Variants in KCNQ1OT1 observed in about 807,000 individuals in gnomAD.
The protein encoded by KCNQ1OT1 is KCNQ1 antisense RNA 2 (non-protein coding).
exon 1 of KCNQ1OT1, chr11:2,631,075 C>T (rs895956074): frequency 2.5e-6 from 1 of 398,392 alleles, no homozygotes; most frequent in African/African-American, 2.1e-5. Context: ...TAGATGGAAA[C>T]TAATTGTAAT....
chr11:2,615,271 G>T (rs1213663666), exon 1 of KCNQ1OT1: 20 of 397,954 alleles, frequency 5.0e-5, no homozygotes, highest in Non-Finnish European at 8.9e-5. Flanking sequence ...CAATTTTGCT[G>T]GACTTGTTTA....
Position 2,674,520 on chromosome 11 carries a change from CA to C in KCNQ1OT1, n.25474del. On this transcript the variant is annotated non_coding_transcript_exon_variant, in exon 1 of 1. Transcript: ENST00000597346. The surrounding 1 kb of genome is among the most constrained non-coding windows in gnomAD (Gnocchi z 5.9). ...GTTACTAGGCACTAGATGGCACTTG[CA>C]AAGCCCATTCGGAGGATTTAGACAA... 2.5e-6 allele frequency: 1 copy of C among 398,638 alleles called. No homozygotes were observed. The highest frequency in any genetic ancestry group is 4.4e-6 in the Non-Finnish European group (1 of 226,068). 24.7% of individuals were successfully genotyped at this position (398,638 alleles called of 1,614,324 possible). A position where few individuals can be genotyped will look rare whatever the true frequency, so the allele number is the denominator to read the frequency against.
exon 1 of KCNQ1OT1, chr11:2,699,513 C>CG (rs148799466): frequency 0.018 from 3,243 of 177,190 alleles, 86 homozygotes; most frequent in African/African-American, 0.12. Flanking sequence ...GAGGAGCCCC[C>CG]AGGAGAGTGC....
Position 2,691,018 on chromosome 11 carries a change from A to G in KCNQ1OT1, n.8977T>C, listed in dbSNP as rs1850579344. On this transcript the variant is annotated non_coding_transcript_exon_variant, in exon 1 of 1. Coordinates refer to ENST00000597346, the Ensembl canonical transcript of KCNQ1OT1. This position sits in a 1 kb window ranked among gnomAD's most constrained non-coding sequence, Gnocchi z 6.4. ...TGAAGTGGGCAAAAGCTCTGGGTGA[A>G]CTCTTGGCTCAGGTATCAGGATATG... The G allele has an allele frequency of 2.5e-6, 1 of 398,500 alleles. No individual in the cohort carries two copies. Among genetic ancestry groups the G allele is most frequent in the Non-Finnish European group, 4.4e-6 (1 of 226,080 alleles). 24.7% of individuals were successfully genotyped at this position (398,500 alleles called of 1,614,324 possible).
chr11:2,662,516 G>A, exon 1 of KCNQ1OT1: 1 of 427,988 alleles, frequency 2.3e-6, no homozygotes, highest in Non-Finnish European at 4.1e-6. Flanking sequence ...CCTTCAGGTG[G>A]AGGAAATGGC....
chr11:2,662,217 C>A, exon 1 of KCNQ1OT1: 1 of 1,215,278 alleles, frequency 8.2e-7, no homozygotes, highest in Non-Finnish European at 1.2e-6. Flanking sequence ...TGCCGTCTGC[C>A]TGGCCCCAAC....
At position 2,650,205 on chromosome 11, in the gene KCNQ1OT1, T is replaced by C. The variant is rs1849735667; in HGVS notation, n.49790A>G. 7.5e-6 allele frequency: 3 copies of C among 398,464 alleles called. No homozygotes were observed. The East Asian group carries it at 1.1e-4, about 14-fold the overall frequency. 24.7% of individuals were successfully genotyped at this position (398,464 alleles called of 1,614,324 possible). ...TAATGAATTGTTTTCCTGATATGTT[T>C]GTATTGTCTATTTGTGTTCTCTTGT... On this transcript the variant is annotated non_coding_transcript_exon_variant, in exon 1 of 1. Transcript: ENST00000597346.
chr11:2,644,114 T>G (rs1849626228), exon 1 of KCNQ1OT1: 5 of 398,478 alleles, frequency 1.3e-5, no homozygotes, highest in Non-Finnish European at 2.2e-5. Context: ...GGTTCTGAGA[T>G]TCCTATATTT....
At chr11:2,684,676 G>C (rs1397752426) in exon 1 of KCNQ1OT1, 1 of 398,556 alleles carries the variant, frequency 2.5e-6, no homozygotes, top group Non-Finnish European at 4.4e-6. Context: ...TGTGCAGGGA[G>C]CTAGTGGCCA....
At chr11:2,662,860 C>T (rs895317728) in exon 1 of KCNQ1OT1, 4 of 398,672 alleles carry the variant, frequency 1.0e-5, no homozygotes, top group African/African-American at 8.2e-5. Flanking sequence ...CTTCTCTCTA[C>T]CAACATTTTT....
In KCNQ1OT1 at chr11:2,663,707, G is replaced by C. The variant is rs1380871634; in HGVS notation, n.36288C>G. The C allele has an allele frequency of 2.5e-6, 1 of 398,542 alleles. No individual in the cohort carries two copies. The highest frequency in any genetic ancestry group is 3.6e-5 in the East Asian group (1 of 28,096). The allele number at this position is 398,542 out of a possible 1,614,324, so 24.7% of individuals were successfully genotyped here. A position where few individuals can be genotyped will look rare whatever the true frequency, so the allele number is the denominator to read the frequency against. The stretch of plus-strand genomic sequence containing the variant: ...GGGCAGCCAGGCCTTACCAACTCTT[G>C]GGTCTTGCAAGGCCCCTGCAGGTGA... On this transcript the variant is annotated non_coding_transcript_exon_variant, in exon 1 of 1. Coordinates refer to ENST00000597346, the Ensembl canonical transcript of KCNQ1OT1. This position sits in a 1 kb window ranked among gnomAD's most constrained non-coding sequence, Gnocchi z 5.2.
chr11:2,621,311 G>A lies in KCNQ1OT1; in HGVS notation n.78684C>T. On this transcript the variant is annotated non_coding_transcript_exon_variant, in exon 1 of 1. Coordinates refer to ENST00000597346, the Ensembl canonical transcript of KCNQ1OT1. This position sits in a 1 kb window ranked among gnomAD's most constrained non-coding sequence, Gnocchi z 5.7. ...TGCATTTCTGATTATTAGTGATCAT[G>A]AGAATGTTTTTTTGTTTGGCTACTT... is the stretch of plus-strand genomic sequence containing the variant. The A allele has an allele frequency of 2.5e-6, 1 of 398,456 alleles. No individual in the cohort carries two copies. The highest frequency in any genetic ancestry group is 4.4e-6 in the Non-Finnish European group (1 of 225,998). 24.7% of individuals were successfully genotyped at this position (398,456 alleles called of 1,614,324 possible). A position where few individuals can be genotyped will look rare whatever the true frequency, so the allele number is the denominator to read the frequency against.
At position 2,642,735 on chromosome 11, in the gene KCNQ1OT1, G is replaced by T; in HGVS notation, n.57260C>A. Reference sequence around the variant, plus strand: ...AGTATGGTTTGTTCTTGCTTTTCTGGTTCCTTCAGGTGTATCATTAGATTA... The same window carrying T: ...AGTATGGTTTGTTCTTGCTTTTCTGTTTCCTTCAGGTGTATCATTAGATTA... On this transcript the variant is annotated non_coding_transcript_exon_variant, in exon 1 of 1. Transcript: ENST00000597346. This position sits in a 1 kb window ranked among gnomAD's most constrained non-coding sequence, Gnocchi z 4.3. The T allele has an allele frequency of 2.5e-6, 1 of 397,316 alleles. No homozygotes were observed. The highest frequency in any genetic ancestry group is 4.4e-6 in the Non-Finnish European group (1 of 225,498). The allele number at this position is 397,316 out of a possible 1,614,324, so 24.6% of individuals were successfully genotyped here.
rs1849208841 is a variant in KCNQ1OT1, at chr11:2,623,497, T to C, written n.76498A>G. ...CTCCATAGCATTGCCTTTTCTAAAA[T>C]GCAATATGATTGGAATCATACAGTA... is the stretch of plus-strand genomic sequence containing the variant. On this transcript the variant is annotated non_coding_transcript_exon_variant, in exon 1 of 1. Coordinates refer to ENST00000597346, the Ensembl canonical transcript of KCNQ1OT1. The surrounding 1 kb of genome is among the most constrained non-coding windows in gnomAD (Gnocchi z 5.2). 1 of 398,502 alleles carries C rather than the reference T, an allele frequency of 2.5e-6. No individual in the cohort carries two copies. Among genetic ancestry groups the C allele is most frequent in the Non-Finnish European group, 4.4e-6 (1 of 226,068 alleles). 24.7% of individuals were successfully genotyped at this position (398,502 alleles called of 1,614,324 possible).
At chr11:2,630,947 G>A in exon 1 of KCNQ1OT1, 1 of 398,506 alleles carries the variant, frequency 2.5e-6, no homozygotes, top group Non-Finnish European at 4.4e-6. Flanking sequence ...GAAATCCACT[G>A]ATAGCCTTAT....
chr11:2,666,507 C>T (rs371613949), exon 1 of KCNQ1OT1: 10 of 398,702 alleles, frequency 2.5e-5, no homozygotes, highest in East Asian at 2.5e-4. Flanking sequence ...TCCAGCAAGG[C>T]CGCTGTGGCC....
At chr11:2,667,428 G>A (rs1474583361) in exon 1 of KCNQ1OT1, 1 of 398,640 alleles carries the variant, frequency 2.5e-6, no homozygotes, top group Non-Finnish European at 4.4e-6. Flanking sequence ...TGAACTCCCA[G>A]CCATGATGCT....
In KCNQ1OT1 at chr11:2,613,466, T is replaced by C. The variant is rs1209714592; in HGVS notation, n.86529A>G. 1 of 398,478 alleles carries C rather than the reference T, an allele frequency of 2.5e-6. No individual in the cohort carries two copies. Among genetic ancestry groups the C allele is most frequent in the Non-Finnish European group, 4.4e-6 (1 of 226,080 alleles). 24.7% of individuals were successfully genotyped at this position (398,478 alleles called of 1,614,324 possible). ...ATGGAATTCAAAATCAGATGAGCCT[T>C]CTTTGTTGCTGGTCCTCAAGCCTAC... On this transcript the variant is annotated non_coding_transcript_exon_variant, in exon 1 of 1. Transcript: ENST00000597346. The surrounding 1 kb of genome is among the most constrained non-coding windows in gnomAD (Gnocchi z 4.8).
chr11:2,655,835 A>T (rs1849837138), exon 1 of KCNQ1OT1: 1 of 398,310 alleles, frequency 2.5e-6, no homozygotes, highest in African/African-American at 2.1e-5. Flanking sequence ...GCAGACAATA[A>T]CCTCTCCTCT....
Sources: gnomAD v4.1 joint callset for allele counts on GRCh38, gnomAD v4.1.1 for gene constraint, Gnocchi (gnomAD v3.1) non-coding constraint, MANE v1.5 for transcripts, NCBI Gene and HGNC (gene_info 2026-07-23, HGNC 2026-07-21) for gene names.